PPP2R5E: variants seen among roughly 807,000 people sequenced by gnomAD.
PPP2R5E encodes the protein serine/threonine-protein phosphatase 2A 56 kDa regulatory subunit epsilon isoform.
In PPP2R5E, 4 loss-of-function variants were observed where a neutral mutation model predicts 65.3. That is an observed-to-expected ratio of 0.06 (90% CI 0.03 to 0.14). The LOEUF is 0.14. PPP2R5E is among the 10% of genes least tolerant of loss of function. The pLI is 1.00. For missense variants in PPP2R5E, 274 were observed against 556.1 expected (o/e 0.49, Z 5.10); for synonymous variants, 183 against 187.4 (o/e 0.98, Z 0.19).
intron 2 of PPP2R5E, among the ~76,000 whole-genome samples, chr14:63,489,402 G>A (rs1891176014): frequency 7.0e-6 from 1 of 142,206 alleles, no homozygotes; most frequent in African/African-American, 2.8e-5. Flanking sequence ...TTTTGTTGTT[G>A]TTGTTGTTGT....
chr14:63,536,468 T>G (rs965225230), intron 2 of PPP2R5E, among the ~76,000 whole-genome samples: 1 of 152,196 alleles, frequency 6.6e-6, no homozygotes, highest in Admixed American at 6.5e-5. Context: ...TGTGGCAATA[T>G]GTATGGCAAT....
chr14:63,381,817 G>A (rs1205029578), intron 13 of PPP2R5E, among the ~76,000 whole-genome samples: 1 of 152,244 alleles, frequency 6.6e-6, no homozygotes, highest in African/African-American at 2.4e-5. Context: ...TAGTTCAGGT[G>A]TGTCATAGTA....
At chr14:63,415,732 T>C (rs1431155883) in intron 4 of PPP2R5E, among the ~76,000 whole-genome samples, 3 of 152,212 alleles carry the variant, frequency 2.0e-5, no homozygotes, top group Non-Finnish European at 4.4e-5. Flanking sequence ...AGTAGTCCAT[T>C]ATAATTTATA....
At chr14:63,402,766 C>T (rs917218889) in intron 5 of PPP2R5E, among the ~76,000 whole-genome samples, 3 of 151,762 alleles carry the variant, frequency 2.0e-5, no homozygotes, top group Admixed American at 1.3e-4. Flanking sequence ...AGATCCAATA[C>T]ATAATAGCAA....
rs777177306 is a variant in PPP2R5E at position 63,393,859 on chromosome 14, A to C, written c.810T>G (p.Pro270=). ...GTGATAAGCTCCTGACAGTGTGTAA[A>C]GGGATCAATACTTTCACCAGAAACT... ...HKQFLVKVLI[P]LHTVRSLSLF... The change falls in exon 8 of 14, where the codon CCT becomes CCG. Residue 270 remains proline (P), a synonymous_variant. Coordinates refer to ENST00000337537, the MANE Select transcript of PPP2R5E (RefSeq NM_006246.5). 6.2e-7 allele frequency: 1 copy of C among 1,611,086 alleles called. No homozygotes were observed. Among genetic ancestry groups the C allele is most frequent in the Non-Finnish European group, 8.5e-7 (1 of 1,177,352 alleles).
intron 8 of PPP2R5E, among the ~76,000 whole-genome samples, 162 bp from the exon 9 acceptor site, chr14:63,392,187 AACT>A (rs1885062301): frequency 1.3e-5 from 2 of 152,248 alleles, no homozygotes; most frequent in Admixed American, 1.3e-4. Context: ...TAAAATAAGA[AACT>A]ACTTTTTCAA....
chr14:63,493,668 C>T (rs1594938310), intron 2 of PPP2R5E, among the ~76,000 whole-genome samples: 1 of 151,956 alleles, frequency 6.6e-6, no homozygotes, highest in Admixed American at 6.6e-5. Flanking sequence ...TGTGGCAAGA[C>T]ATATTTCTGA....
At chr14:63,422,752 A>AC (rs1389477229) in intron 3 of PPP2R5E, among the ~76,000 whole-genome samples, 3 of 149,430 alleles carry the variant, frequency 2.0e-5, no homozygotes, top group Non-Finnish European at 3.0e-5. Context: ...AAAAAAAAAA[A>AC]AAAAAAACTG....
chr14:63,511,367 C>A (rs1892444499), intron 2 of PPP2R5E, among the ~76,000 whole-genome samples: 2 of 152,220 alleles, frequency 1.3e-5, no homozygotes, highest in African/African-American at 4.8e-5. Context: ...AAAGCCCAGG[C>A]ATCCCTGTAG....
At chr14:63,507,603 G>A (rs368259872) in intron 2 of PPP2R5E, among the ~76,000 whole-genome samples, 29 of 121,202 alleles carry the variant, frequency 2.4e-4, no homozygotes, top group African/African-American at 7.6e-4. Context: ...TTTTTGAGAC[G>A]GAGTCTTGTT....
At chr14:63,487,609 T>C (rs1891061448) in intron 2 of PPP2R5E, among the ~76,000 whole-genome samples, 1 of 152,250 alleles carries the variant, frequency 6.6e-6, no homozygotes, top group African/African-American at 2.4e-5. Flanking sequence ...GGTATATCTA[T>C]GTTTTGAGGG....
intron 2 of PPP2R5E, among the ~76,000 whole-genome samples, chr14:63,473,853 A>C (rs902567073): frequency 1.3e-5 from 2 of 152,236 alleles, no homozygotes; most frequent in Non-Finnish European, 2.9e-5. Flanking sequence ...AAAAATTGCA[A>C]TAGAAAAGCC....
chr14:63,500,264 G>T (rs1395717836), intron 2 of PPP2R5E, among the ~76,000 whole-genome samples: 1 of 152,136 alleles, frequency 6.6e-6, no homozygotes, highest in Non-Finnish European at 1.5e-5. Context: ...AGTAAAACTT[G>T]GTTTTCAGAA....
intron 2 of PPP2R5E, among the ~76,000 whole-genome samples, chr14:63,498,905 A>G (rs2139659687): frequency 6.6e-6 from 1 of 152,216 alleles, no homozygotes; most frequent in East Asian, 1.9e-4. Flanking sequence ...AAAACTGCCT[A>G]GTTACAAGCA....
intron 10 of PPP2R5E, 54 bp from the exon 11 acceptor site, chr14:63,389,785 T>C: frequency 6.7e-7 from 1 of 1,492,192 alleles, no homozygotes. Flanking sequence ...AAAAAATCCA[T>C]AAGAACAAGG....
chr14:63,401,080 A>T (rs1486496919), intron 5 of PPP2R5E, among the ~76,000 whole-genome samples: 1 of 152,242 alleles, frequency 6.6e-6, no homozygotes, highest in Admixed American at 6.5e-5. Context: ...TTAGATATTT[A>T]CAAAGCCACA....
chr14:63,499,582 G>A (rs1295760233), intron 2 of PPP2R5E, among the ~76,000 whole-genome samples: 1 of 152,168 alleles, frequency 6.6e-6, no homozygotes, highest in Non-Finnish European at 1.5e-5. Context: ...AAATTAGCCA[G>A]GCGTGGTGGC....
chr14:63,418,507 G>C (rs1886822932), intron 4 of PPP2R5E, among the ~76,000 whole-genome samples: 1 of 152,184 alleles, frequency 6.6e-6, no homozygotes, highest in African/African-American at 2.4e-5. Context: ...AGAAAGACTG[G>C]GGGCTGGGGA....
chr14:63,490,386 G>A (rs1396186252), intron 2 of PPP2R5E, among the ~76,000 whole-genome samples: 1 of 152,014 alleles, frequency 6.6e-6, no homozygotes, highest in African/African-American at 2.4e-5. Flanking sequence ...AAGTTGACAA[G>A]TGGAACCTAA....
Sources: allele counts gnomAD v4.1 joint callset (sites outside exome capture counted in the v4.1 genomes callset), GRCh38; gene constraint gnomAD v4.1.1; transcripts MANE v1.5; gene names NCBI Gene and HGNC (gene_info 2026-07-23, HGNC 2026-07-21).